The following PDILT variants were observed in gnomAD, a reference collection of about 807,000 sequenced individuals.
The protein encoded by PDILT is protein disulfide isomerase like, testis expressed.
PDILT carries 43 observed loss-of-function variants against 53.7 expected under a neutral mutation model. The observed-to-expected ratio is 0.80, with a 90% CI of 0.63 to 1.03. The LOEUF is 1.03. PDILT is among the 50% of genes least tolerant of loss of function. The pLI is 0.00. For synonymous variants in PDILT, 282 were observed against 274.2 expected, an observed-to-expected ratio of 1.03 and a Z score of -0.28; for missense variants, 727 against 712.3, an observed-to-expected ratio of 1.02 and a Z score of -0.24.
intron 2 of PDILT, among the ~76,000 whole-genome samples, chr16:20,394,481 C>G (rs917570973): frequency 6.6e-6 from 1 of 152,174 alleles, no homozygotes; most frequent in Non-Finnish European, 1.5e-5. Flanking sequence ...ATTTCCCAGC[C>G]TCTCTTACAG....
chr16:20,404,017 A>T (rs1966781529), intron 1 of PDILT, among the ~76,000 whole-genome samples: 1 of 151,994 alleles, frequency 6.6e-6, no homozygotes, highest in Admixed American at 6.6e-5. Context: ...TGTTTGCATC[A>T]TATTTTGTAT....
At chr16:20,397,970 C>A (rs1012602161) in intron 2 of PDILT, among the ~76,000 whole-genome samples, 2 of 152,146 alleles carry the variant, frequency 1.3e-5, no homozygotes, top group Non-Finnish European at 2.9e-5. Flanking sequence ...TCCTACCATA[C>A]AGAACATGGG....
rs928373962 is a variant in PDILT at position 20,359,313 on chromosome 16, G to A, written c.*6C>T. 5 of 1,611,698 alleles carry A rather than the reference G, an allele frequency of 3.1e-6. No individual in the cohort carries two copies. The African/African-American group carries it at 6.7e-5, about 22-fold the overall frequency. On this transcript the variant is annotated 3_prime_UTR_variant, in exon 12 of 12. Coordinates refer to ENST00000302451, the MANE Select transcript of PDILT (RefSeq NM_174924.2). ...ATAAGCATCTTTTTTCCTGGTATTGGAGAAGCTAAAGTTCTTCCTTGACTT... is the reference window on the plus strand; with the variant it reads ...ATAAGCATCTTTTTTCCTGGTATTGAAGAAGCTAAAGTTCTTCCTTGACTT...
intron 3 of PDILT, among the ~76,000 whole-genome samples, chr16:20,384,302 A>C (rs150300796): frequency 6.6e-6 from 1 of 152,326 alleles, no homozygotes; most frequent in Non-Finnish European, 1.5e-5. Context: ...TTTCTTTCTA[A>C]AAACAGAGCT....
chr16:20,384,271 C>T (rs1966500427), intron 3 of PDILT, among the ~76,000 whole-genome samples: 1 of 152,212 alleles, frequency 6.6e-6, no homozygotes, highest in Non-Finnish European at 1.5e-5. Context: ...GTAGAAGCAG[C>T]CACATATTCA....
chr16:20,362,601 G>A lies in PDILT; in HGVS notation c.1238-19C>T. ...GGTGCATCTGGAAGAGAAGGTCCAT[G>A]GCTCAGGCTCACATTGATGAAGATC... On this transcript the variant is annotated intron_variant, in intron 9 of 11. Coordinates refer to ENST00000302451, the MANE Select transcript of PDILT (RefSeq NM_174924.2). 1 of 1,612,920 alleles carries A rather than the reference G, an allele frequency of 6.2e-7. No homozygotes were observed. The highest frequency in any genetic ancestry group is 8.5e-7 in the Non-Finnish European group (1 of 1,179,226).
intron 3 of PDILT, among the ~76,000 whole-genome samples, chr16:20,382,474 G>A (rs1005164037): frequency 1.4e-4 from 22 of 152,314 alleles, no homozygotes; most frequent in Middle Eastern, 6.8e-3. Flanking sequence ...AGACTGCCTG[G>A]CCTGTAGGAT....
chr16:20,386,403 CT>C (rs932446481), intron 2 of PDILT, among the ~76,000 whole-genome samples: 10 of 152,194 alleles, frequency 6.6e-5, no homozygotes, highest in Non-Finnish European at 1.3e-4. Context: ...ATCTTTTTCA[CT>C]GCCGCCCACC....
chr16:20,396,202 G>T (rs78088302), intron 2 of PDILT, among the ~76,000 whole-genome samples: 1 of 152,044 alleles, frequency 6.6e-6, no homozygotes, highest in Non-Finnish European at 1.5e-5. Flanking sequence ...CAATATTCTC[G>T]CTTTACAGGT....
chr16:20,369,401 T>A, intron 8 of PDILT, 91 bp downstream of exon 8: 1 of 1,374,254 alleles, frequency 7.3e-7, no homozygotes, highest in East Asian at 2.3e-5. Context: ...TGCCTCCACA[T>A]ACAGGTGAGG....
chr16:20,390,190 A>T (rs779178856), intron 2 of PDILT, among the ~76,000 whole-genome samples: 1 of 152,126 alleles, frequency 6.6e-6, no homozygotes, highest in East Asian at 1.9e-4. Context: ...GATTGTCATC[A>T]ATCTCTTCTT....
intron 5 of PDILT, 118 bp from the exon 6 acceptor site, chr16:20,373,240 A>G: frequency 1.2e-6 from 1 of 831,708 alleles, no homozygotes; most frequent in Non-Finnish European, 1.9e-6. Context: ...GAATGGTATC[A>G]GGTGTAGTCT....
At chr16:20,398,482 T>G (rs1966689433) in intron 2 of PDILT, among the ~76,000 whole-genome samples, 1 of 151,980 alleles carries the variant, frequency 6.6e-6, no homozygotes, top group East Asian at 1.9e-4. Context: ...ATTACAAAAG[T>G]TAGCTGGGTG....
chr16:20,401,771 A>G (rs910171646), intron 1 of PDILT, among the ~76,000 whole-genome samples: 14 of 152,196 alleles, frequency 9.2e-5, no homozygotes, highest in Admixed American at 6.5e-5. Flanking sequence ...TGAGCCTCTG[A>G]GCAAAAGCCA....
chr16:20,367,885 G>A (rs986799032), intron 8 of PDILT, among the ~76,000 whole-genome samples: 15 of 152,200 alleles, frequency 9.9e-5, no homozygotes, highest in African/African-American at 3.6e-4. Flanking sequence ...TGGAAGCAGG[G>A]AAGTTAAGGG....
In PDILT at chr16:20,399,122, G is replaced by A; in HGVS notation, c.179C>T (p.Thr60Ile). ...PAGLTQMLNQ[T>I]RFLMVLFHNP... Reference sequence around the variant, plus strand: ...ACGGAAAAGCACCATGAGGAAGCGGGTCTGGTTCAGCATCTGGGTCAGGCC... The same window carrying A: ...ACGGAAAAGCACCATGAGGAAGCGGATCTGGTTCAGCATCTGGGTCAGGCC... Residue 60 changes from threonine to isoleucine, a missense_variant, in exon 2 of 12, where the codon ACC becomes ATC. Physicochemically the swap from Thr to Ile is moderately conservative, Grantham distance 89. Coordinates refer to ENST00000302451, the MANE Select transcript of PDILT (RefSeq NM_174924.2). 1 of 1,614,198 alleles carries A rather than the reference G, an allele frequency of 6.2e-7. No individual in the cohort carries two copies. The highest frequency in any genetic ancestry group is 8.5e-7 in the Non-Finnish European group (1 of 1,180,026).
chr16:20,369,012 T>G (rs1966261047), intron 8 of PDILT, among the ~76,000 whole-genome samples: 1 of 152,168 alleles, frequency 6.6e-6, no homozygotes, highest in South Asian at 2.1e-4. Flanking sequence ...TTCTGCAGCC[T>G]CTCCTTCCTG....
chr16:20,376,997 G>A (rs1449014837), intron 3 of PDILT, among the ~76,000 whole-genome samples: 3 of 152,192 alleles, frequency 2.0e-5, no homozygotes, highest in Non-Finnish European at 4.4e-5. Context: ...TTTTAAATAA[G>A]TTTATGAGCT....
intron 3 of PDILT, 114 bp from the exon 4 acceptor site, chr16:20,376,315 C>T (rs1966389069): frequency 1.6e-6 from 2 of 1,260,154 alleles, no homozygotes; most frequent in Admixed American, 4.9e-5. Flanking sequence ...GGCTCCCACC[C>T]CTTGAAGGCC....
Sources: allele counts gnomAD v4.1 joint callset (sites outside exome capture counted in the v4.1 genomes callset), GRCh38; gene constraint gnomAD v4.1.1; transcripts MANE v1.5; gene names NCBI Gene and HGNC (gene_info 2026-07-23, HGNC 2026-07-21).